PPP2CA: variants seen among roughly 807,000 people sequenced by gnomAD.
The protein encoded by PPP2CA is serine/threonine-protein phosphatase 2A catalytic subunit alpha isoform.
Under a neutral mutation model 38.8 loss-of-function variants are expected in PPP2CA, and 5 were observed. That is an observed-to-expected ratio of 0.13 (90% CI 0.07 to 0.27). The LOEUF is 0.27. Ranked by LOEUF, PPP2CA falls within the 10% of genes least tolerant of loss-of-function variation. The pLI is 1.00. For synonymous variants in PPP2CA, 152 were observed against 134.0 expected, an observed-to-expected ratio of 1.13 and a Z score of -0.93; for missense variants, 88 against 389.7, an observed-to-expected ratio of 0.23 and a Z score of 6.52.
At chr5:134,198,488 T>TA (rs1561733047) in intron 6 of PPP2CA, among the ~76,000 whole-genome samples, 1 of 152,170 alleles carries the variant, frequency 6.6e-6, no homozygotes, top group Non-Finnish European at 1.5e-5. Context: ...AAGTTCCTGT[T>TA]GGTGTGTTTC....
intron 2 of PPP2CA, among the ~76,000 whole-genome samples, chr5:134,202,967 T>A (rs1244138529): frequency 6.6e-6 from 1 of 152,208 alleles, no homozygotes; most frequent in East Asian, 1.9e-4. Context: ...TTTCCCTGAT[T>A]ACAATTGATA....
At chr5:134,211,757 T>A in intron 1 of PPP2CA, among the ~76,000 whole-genome samples, 1 of 151,546 alleles carries the variant, frequency 6.6e-6, no homozygotes. Flanking sequence ...ATTACAGGCA[T>A]AAGCCACTGC....
At chr5:134,223,664 T>G (rs1282535655) in intron 1 of PPP2CA, among the ~76,000 whole-genome samples, 1 of 152,186 alleles carries the variant, frequency 6.6e-6, no homozygotes, top group Non-Finnish European at 1.5e-5. Context: ...ATGCATCAGC[T>G]TCACCCACCC....
At chr5:134,197,936 T>C in intron 6 of PPP2CA, 92 bp from the exon 7 acceptor site, 2 of 1,052,950 alleles carry the variant, frequency 1.9e-6, no homozygotes, top group Non-Finnish European at 1.5e-6. Flanking sequence ...AACTTTACAC[T>C]TCCTATTCAA....
intron 3 of PPP2CA, 136 bp from the exon 4 acceptor site, chr5:134,201,210 G>C (rs1391841155): frequency 1.5e-6 from 1 of 650,346 alleles, no homozygotes; most frequent in Non-Finnish European, 2.7e-6. Flanking sequence ...CCAGGAGTTT[G>C]AGACCAACCT....
At chr5:134,200,582 A>T (rs1761949071) in intron 4 of PPP2CA, 86 bp from the exon 5 acceptor site, 2 of 1,434,634 alleles carry the variant, frequency 1.4e-6, no homozygotes, top group Non-Finnish European at 1.9e-6. Flanking sequence ...CAGCACCCTA[A>T]GCCACCCTTT....
intron 2 of PPP2CA, chr5:134,202,422 C>T (rs149559045): frequency 0.013 from 1,103 of 84,744 alleles, 5 homozygotes; most frequent in Non-Finnish European, 0.018. Context: ...CAGCTCCTGG[C>T]AACCACTGAT....
chr5:134,212,722 GT>G (rs1453436289), intron 1 of PPP2CA, among the ~76,000 whole-genome samples: 3 of 152,210 alleles, frequency 2.0e-5, no homozygotes, highest in Non-Finnish European at 1.5e-5. Context: ...CAAAGGAAAA[GT>G]TCTTTAAGGA....
chr5:134,197,425 T>C lies in PPP2CA; in HGVS notation c.*347A>G, dbSNP rs1366336064. On this transcript the variant is annotated 3_prime_UTR_variant, in exon 7 of 7. Transcript: ENST00000481195. ...TCTACAGTCATGCTGAGTAAAGCTA[T>C]AGCTAAATGGAAGTTAAATTGTATT... is the stretch of plus-strand genomic sequence containing the variant. 1.8e-5 allele frequency: 4 copies of C among 225,838 alleles called. No individual in the cohort carries two copies. Among genetic ancestry groups the C allele is most frequent in the African/African-American group, 4.4e-5 (2 of 45,154 alleles). The allele number at this position is 225,838 out of a possible 1,614,324, so 14.0% of individuals were successfully genotyped here.
At chr5:134,225,733 G>A in intron 1 of PPP2CA, 27 bp downstream of exon 1, 1 of 1,584,742 alleles carries the variant, frequency 6.3e-7, no homozygotes, top group Non-Finnish European at 8.6e-7. Flanking sequence ...CCCCGCGGCG[G>A]CTGTCCGCAG....
chr5:134,207,496 AC>A (rs975656163), intron 1 of PPP2CA, among the ~76,000 whole-genome samples: 1 of 151,922 alleles, frequency 6.6e-6, no homozygotes, highest in African/African-American at 2.4e-5. Context: ...ATTTTTAAGC[AC>A]CCCCACCCCT....
At chr5:134,224,697 T>C (rs1435260327) in intron 1 of PPP2CA, among the ~76,000 whole-genome samples, 1 of 152,234 alleles carries the variant, frequency 6.6e-6, no homozygotes, top group Non-Finnish European at 1.5e-5. Flanking sequence ...ACAAAGCTAA[T>C]AGCTAAATTA....
intron 1 of PPP2CA, among the ~76,000 whole-genome samples, chr5:134,221,124 C>G (rs552732667): frequency 7.9e-4 from 120 of 152,022 alleles, no homozygotes; most frequent in African/African-American, 2.8e-3. Flanking sequence ...TTTTTTGGGG[C>G]CGGGGGGAAT....
intron 3 of PPP2CA, among the ~76,000 whole-genome samples, chr5:134,201,520 C>A (rs1761965857): frequency 6.6e-6 from 1 of 152,302 alleles, no homozygotes; most frequent in South Asian, 2.1e-4. Context: ...ATTGTAAGTT[C>A]TTTTGTGTGC....
chr5:134,201,750 C>T, intron 3 of PPP2CA, 98 bp downstream of exon 3: 1 of 1,309,212 alleles, frequency 7.6e-7, no homozygotes, highest in East Asian at 2.6e-5. Flanking sequence ...AAAAATATCC[C>T]CAAAGGGGTG....
At chr5:134,222,369 T>C (rs957202093) in intron 1 of PPP2CA, among the ~76,000 whole-genome samples, 3 of 152,162 alleles carry the variant, frequency 2.0e-5, no homozygotes, top group African/African-American at 7.2e-5. Flanking sequence ...CATATAAGAA[T>C]GTCATCTTGG....
intron 1 of PPP2CA, among the ~76,000 whole-genome samples, chr5:134,213,643 G>C (rs953135162): frequency 6.6e-6 from 1 of 151,904 alleles, no homozygotes; most frequent in Non-Finnish European, 1.5e-5. Context: ...AATTAGCTAG[G>C]CATGGTGGTG....
At chr5:134,209,694 C>A (rs572614661) in intron 1 of PPP2CA, among the ~76,000 whole-genome samples, 2 of 152,072 alleles carry the variant, frequency 1.3e-5, no homozygotes, top group East Asian at 3.9e-4. Context: ...ATGAGAATAG[C>A]TTGAACCTGG....
intron 1 of PPP2CA, among the ~76,000 whole-genome samples, chr5:134,212,790 T>C (rs55966144): frequency 0.052 from 7,866 of 152,314 alleles, 277 homozygotes; most frequent in Non-Finnish European, 0.08. Flanking sequence ...AACAGTCTTA[T>C]TGCAGATACG....
Sources: allele counts gnomAD v4.1 joint callset (sites outside exome capture counted in the v4.1 genomes callset), GRCh38; gene constraint gnomAD v4.1.1; transcripts MANE v1.5; gene names NCBI Gene and HGNC (gene_info 2026-07-23, HGNC 2026-07-21).